The following PTPRD variants were observed in gnomAD, a reference collection of about 807,000 sequenced individuals.
PTPRD encodes receptor-type tyrosine-protein phosphatase delta.
In PTPRD, 34 loss-of-function variants were observed where a neutral mutation model predicts 214.5. That is an observed-to-expected ratio of 0.16 (90% CI 0.12 to 0.21). PTPRD has a LOEUF of 0.21. PTPRD is among the 10% of genes least tolerant of loss of function. The pLI is 1.00. For synonymous variants in PTPRD, 1,128 were observed against 845.7 expected, an observed-to-expected ratio of 1.33 and a Z score of -5.79; for missense variants, 2,545 against 2,398.7, an observed-to-expected ratio of 1.06 and a Z score of -1.27.
At chr9:10,382,532 A>G (rs771478427) in intron 2 of PTPRD, among the ~76,000 whole-genome samples, 64 of 152,026 alleles carry the variant, frequency 4.2e-4, no homozygotes, top group African/African-American at 1.5e-3. Flanking sequence ...TTTATGTTGT[A>G]GAATAGGATA....
intron 10 of PTPRD, among the ~76,000 whole-genome samples, chr9:9,094,492 G>C (rs1046940495): frequency 2.6e-5 from 4 of 152,108 alleles, no homozygotes; most frequent in Non-Finnish European, 5.9e-5. Context: ...GCATAAGAAT[G>C]ATATAACAGA....
At chr9:9,275,155 ATATATATAACATATATATAATATATATGT>A (rs1944888426) in intron 9 of PTPRD, among the ~76,000 whole-genome samples, 1 of 60,988 alleles carries the variant, frequency 1.6e-5, no homozygotes, top group Non-Finnish European at 2.7e-5. Flanking sequence ...ATAATATATT[ATATATATAACATATATATAATATATATGT>A]TATATATATA....
At position 10,337,326 on chromosome 9, in the gene PTPRD, A is replaced by G. The variant is rs1302018517; in HGVS notation, c.-545+3637T>C. Among the ~76,000 whole-genome samples, 35 of 151,710 alleles carry G rather than the reference A, an allele frequency of 2.3e-4. No homozygotes were observed. The Admixed American group carries it at 2.3e-3, about 10-fold the overall frequency. On this transcript the variant is annotated intron_variant, in intron 3 of 45. Coordinates refer to ENST00000381196, the MANE Select transcript of PTPRD (RefSeq NM_002839.4). The stretch of plus-strand genomic sequence containing the variant: ...ATACATGTATATATAGATACAAGAT[A>G]CAGATATGCTATTCAACGTAGCACA...
At chr9:9,691,551 T>C (rs2097271195) in intron 7 of PTPRD, among the ~76,000 whole-genome samples, 2 of 152,070 alleles carry the variant, frequency 1.3e-5, no homozygotes, top group Admixed American at 6.6e-5. Context: ...CTTAAGTTGC[T>C]TTTACATTTT....
At chr9:8,496,859 G>T (rs903868744) in intron 26 of PTPRD, among the ~76,000 whole-genome samples, 2 of 152,128 alleles carry the variant, frequency 1.3e-5, no homozygotes, top group Admixed American at 6.5e-5. Flanking sequence ...TAGCTCATCA[G>T]CTGTAGTTAA....
At chr9:9,678,293 G>A (rs1401476857) in intron 7 of PTPRD, among the ~76,000 whole-genome samples, 1 of 152,030 alleles carries the variant, frequency 6.6e-6, no homozygotes, top group African/African-American at 2.4e-5. Flanking sequence ...AAAGCTGGAG[G>A]CATCATGCTA....
intron 5 of PTPRD, among the ~76,000 whole-genome samples, chr9:9,822,716 GA>G (rs1330627546): frequency 6.6e-6 from 1 of 151,858 alleles, no homozygotes; most frequent in African/African-American, 2.4e-5. Context: ...TACAGATTGA[GA>G]ATCACTAATC....
At chr9:8,827,493 G>C (rs1177050953) in intron 11 of PTPRD, among the ~76,000 whole-genome samples, 1 of 152,058 alleles carries the variant, frequency 6.6e-6, no homozygotes, top group Non-Finnish European at 1.5e-5. Flanking sequence ...TGTAATTTCA[G>C]CTACTCAGGA....
intron 9 of PTPRD, among the ~76,000 whole-genome samples, chr9:9,382,317 T>C (rs1007782543): frequency 2.0e-5 from 3 of 152,132 alleles, no homozygotes; most frequent in African/African-American, 7.2e-5. Context: ...AATGACATTT[T>C]GGATATGATA....
chr9:9,642,899 G>A (rs1210079276), intron 7 of PTPRD, among the ~76,000 whole-genome samples: 1 of 152,216 alleles, frequency 6.6e-6, no homozygotes, highest in Non-Finnish European at 1.5e-5. Flanking sequence ...AAACAGAGCT[G>A]TGATTTGTAC....
chr9:9,832,804 T>C (rs1054792136), intron 5 of PTPRD, among the ~76,000 whole-genome samples: 10 of 151,886 alleles, frequency 6.6e-5, no homozygotes, highest in Admixed American at 5.9e-4. Flanking sequence ...CAGGATTACA[T>C]GCTGACTGTA....
At chr9:8,377,637 A>G (rs546599774) in intron 37 of PTPRD, among the ~76,000 whole-genome samples, 36 of 152,134 alleles carry the variant, frequency 2.4e-4, no homozygotes, top group African/African-American at 8.4e-4. Context: ...TCTTAAGAGA[A>G]CCCAACTGAA....
At chr9:10,453,764 T>C (rs754671845) in intron 2 of PTPRD, among the ~76,000 whole-genome samples, 15 of 151,678 alleles carry the variant, frequency 9.9e-5, no homozygotes, top group Non-Finnish European at 1.6e-4. Flanking sequence ...ATGTACCTTC[T>C]TCCCTTCCAA....
chr9:10,532,548 T>C (rs1028455957), intron 2 of PTPRD: 8 of 148,752 alleles, frequency 5.4e-5, no homozygotes, highest in African/African-American at 2.0e-4. Flanking sequence ...AATGTGGTTG[T>C]GCTGTAAAAG....
intron 12 of PTPRD, among the ~76,000 whole-genome samples, chr9:8,703,640 T>C (rs1166219013): frequency 1.3e-5 from 2 of 152,206 alleles, no homozygotes; most frequent in African/African-American, 4.8e-5. Flanking sequence ...CCTCTATTAA[T>C]TCTATTAACT....
chr9:9,786,110 A>G, intron 5 of PTPRD, among the ~76,000 whole-genome samples: 1 of 152,176 alleles, frequency 6.6e-6, no homozygotes, highest in East Asian at 1.9e-4. Flanking sequence ...CTATTATTAT[A>G]TTTACCTAAC....
intron 2 of PTPRD, among the ~76,000 whole-genome samples, chr9:10,372,416 A>C (rs1292561275): frequency 6.6e-6 from 1 of 151,986 alleles, no homozygotes; most frequent in Admixed American, 6.6e-5. Flanking sequence ...TTGTCATGTA[A>C]TTCAGGACTT....
At chr9:8,543,556 A>C (rs1464812290) in intron 14 of PTPRD, among the ~76,000 whole-genome samples, 2 of 152,244 alleles carry the variant, frequency 1.3e-5, no homozygotes, top group Non-Finnish European at 2.9e-5. Flanking sequence ...TTGTTAATAA[A>C]GATAAAATAC....
At chr9:9,938,935 C>A (rs1203027978) in intron 4 of PTPRD, among the ~76,000 whole-genome samples, 1 of 151,804 alleles carries the variant, frequency 6.6e-6, no homozygotes, top group African/African-American at 2.4e-5. Context: ...ATATAGTGTC[C>A]TTGGAAACAG....
Sources: allele counts gnomAD v4.1 joint callset (sites outside exome capture counted in the v4.1 genomes callset), GRCh38; gene constraint gnomAD v4.1.1; transcripts MANE v1.5; gene names NCBI Gene and HGNC (gene_info 2026-07-23, HGNC 2026-07-21).